The following OS9 variants were observed in gnomAD, a reference collection of about 807,000 sequenced individuals.
OS9 encodes the protein OS9 endoplasmic reticulum lectin.
In OS9, 58 loss-of-function variants were observed where a neutral mutation model predicts 84.7. The ratio of observed to expected loss-of-function variants is 0.68; its 90% CI spans 0.55 to 0.85. The LOEUF is 0.85. Ranked by LOEUF, OS9 falls within the 40% of genes least tolerant of loss-of-function variation. The pLI is 0.00. For missense variants in OS9, 760 were observed against 850.9 expected (o/e 0.89, Z 1.33); for synonymous variants, 278 against 320.8 (o/e 0.87, Z 1.43).
chr12:57,708,270 T>G (rs1314136181), intron 5 of OS9, among the ~76,000 whole-genome samples: 5 of 102,404 alleles, frequency 4.9e-5, no homozygotes, highest in African/African-American at 1.5e-4. Flanking sequence ...CTTTATATAC[T>G]CTGAGATTTT....
intron 5 of OS9, among the ~76,000 whole-genome samples, chr12:57,699,904 T>G (rs1953969032): frequency 6.6e-6 from 1 of 152,212 alleles, no homozygotes; most frequent in Non-Finnish European, 1.5e-5. Context: ...AAGAACAGCC[T>G]GGCCAATATG....
chr12:57,715,848 G>A lies in OS9; in HGVS notation c.668G>A (p.Arg223His), dbSNP rs991502413. Reference protein sequence around the residue: ...PLSCSYVLTIRTPRLCPHPLL... With the variant: ...PLSCSYVLTIHTPRLCPHPLL... Reference sequence around the variant, plus strand: ...TCCTGCTCTTATGTGCTGACCATTCGCACTCCTCGGCTCTGCCCCCACCCT... The same window carrying A: ...TCCTGCTCTTATGTGCTGACCATTCACACTCCTCGGCTCTGCCCCCACCCT... Residue 223 changes from arginine (R) to histidine (H), a missense_variant, in exon 6 of 15, where the codon CGC (arginine) becomes CAC (histidine). Physicochemically the swap from Arg to His is conservative, Grantham distance 29. Transcript: ENST00000315970. 12 of 1,613,792 alleles carry A rather than the reference G, an allele frequency of 7.4e-6. No individual in the cohort carries two copies. The highest frequency in any genetic ancestry group is 1.7e-5 in the Admixed American group (1 of 59,966).
intron 9 of OS9, 54 bp downstream of exon 9, chr12:57,716,798 G>T (rs1337841428): frequency 8.5e-6 from 13 of 1,528,790 alleles, no homozygotes; most frequent in Non-Finnish European, 1.2e-5. Context: ...ATTGGCAGGG[G>T]TAGGGATGGA....
intron 7 of OS9, 53 bp downstream of exon 7, chr12:57,716,246 C>T (rs1595062268): frequency 1.6e-6 from 2 of 1,217,072 alleles, no homozygotes; most frequent in East Asian, 4.8e-5. Flanking sequence ...TCTTCCCTTC[C>T]CCTGATCTTA....
At chr12:57,718,086 C>T in intron 10 of OS9, 60 bp from the exon 11 acceptor site, 3 of 1,573,776 alleles carry the variant, frequency 1.9e-6, no homozygotes, top group Admixed American at 1.7e-5. Context: ...TTGTCTGCCC[C>T]CGACCATGTG....
chr12:57,696,493 C>G, intron 5 of OS9, 120 bp downstream of exon 5: 1 of 583,008 alleles, frequency 1.7e-6, no homozygotes, highest in Non-Finnish European at 3.0e-6. Flanking sequence ...ACCCTAAATC[C>G]AAAGTTTAAA....
rs777893192 is a variant in OS9 at position 57,716,508 on chromosome 12, C to T, written c.989C>T (p.Ala330Val). ...DQAPGGEEVP[A>V]EEQDPSPEAA... ...GCCCCAGGAGGGGAGGAGGTGCCGG[C>T]TGAGGTGAGACCAGCTGCCTCAGAG... The change falls in exon 8 of 15, where the codon GCT (alanine) becomes GTT (valine). Residue 330 changes from alanine (A) to valine (V), a missense_variant. Ala to Val is a moderately conservative substitution (Grantham distance 64). Transcript: ENST00000315970. The T allele has an allele frequency of 5.1e-6, 8 of 1,571,832 alleles. No individual in the cohort carries two copies. The South Asian group carries it at 8.1e-5, about 16-fold the overall frequency.
chr12:57,694,137 C>A lies in OS9; in HGVS notation c.-25C>A. The A allele has an allele frequency of 1.2e-6, 2 of 1,613,738 alleles. No individual in the cohort carries two copies. Among genetic ancestry groups the A allele is most frequent in the Non-Finnish European group, 1.7e-6 (2 of 1,179,676 alleles). ...GCCTGGCTTAGGGCGGAAACAGATTCTCTGCATAAGAAGGGGAACGAAAGA... is the reference window on the plus strand; with the variant it reads ...GCCTGGCTTAGGGCGGAAACAGATTATCTGCATAAGAAGGGGAACGAAAGA... On this transcript the variant is annotated 5_prime_UTR_variant, in exon 1 of 15. Coordinates refer to ENST00000315970, the MANE Select transcript of OS9 (RefSeq NM_006812.4).
rs749101342 is a variant in OS9 at position 57,715,881 on chromosome 12, G to A, written c.701G>A (p.Arg234Gln). 19 of 1,612,712 alleles carry A rather than the reference G, an allele frequency of 1.2e-5. 1 individual carries two copies. The highest frequency in any genetic ancestry group is 4.4e-5 in the South Asian group (4 of 90,908). ...TPRLCPHPLL[R>Q]PPPSAAPQAI... ...CGGCTCTGCCCCCACCCTCTCCTCCGGCCCCCACCCAGTGCTGCACCGCAG... is the reference window on the plus strand; with the variant it reads ...CGGCTCTGCCCCCACCCTCTCCTCCAGCCCCCACCCAGTGCTGCACCGCAG... The change falls in exon 6 of 15, where the codon CGG (arginine) becomes CAG (glutamine). Residue 234 changes from arginine (R) to glutamine (Q), a missense_variant. Transcript: ENST00000315970.
chr12:57,718,155 AAT>A lies in OS9; in HGVS notation c.1148_1149del (p.Ile383ArgfsTer8). 1.2e-6 allele frequency: 2 copies of A among 1,613,756 alleles called. No homozygotes were observed. The highest frequency in any genetic ancestry group is 1.7e-6 in the Non-Finnish European group (2 of 1,179,746). ...LKGGTKKGKP[N>X]IGQEQPVDDA... is the part of the protein sequence containing the mutation. The stretch of plus-strand genomic sequence containing the variant: ...CTCCCTACCCACCCAGGGGAAGCCA[AAT>A]ATAGGCCAAGAGCAGCCTGTGGATG... On this transcript the variant is annotated frameshift_variant, in exon 11 of 15. Coordinates refer to ENST00000315970, the MANE Select transcript of OS9 (RefSeq NM_006812.4). LOFTEE classifies it high-confidence loss of function.
chr12:57,695,334 C>T (rs1280003798), intron 2 of OS9, among the ~76,000 whole-genome samples: 2 of 152,154 alleles, frequency 1.3e-5, no homozygotes, highest in Non-Finnish European at 2.9e-5. Context: ...TGATTCCCCG[C>T]ATTAGAGTGT....
At chr12:57,709,909 G>T (rs1423242460) in intron 5 of OS9, among the ~76,000 whole-genome samples, 4 of 151,692 alleles carry the variant, frequency 2.6e-5, no homozygotes, top group African/African-American at 9.7e-5. Flanking sequence ...CTGGAGTGCA[G>T]TGGCATGATC....
chr12:57,711,181 C>T (rs957073412), intron 5 of OS9, among the ~76,000 whole-genome samples: 38 of 151,896 alleles, frequency 2.5e-4, no homozygotes, highest in African/African-American at 9.2e-4. Flanking sequence ...ATCCTTCCAG[C>T]CTTTTTGTGT....
chr12:57,716,453 T>C lies in OS9; in HGVS notation c.934T>C (p.Trp312Arg). 6.4e-7 allele frequency: 1 copy of C among 1,569,478 alleles called. No individual in the cohort carries two copies. The highest frequency in any genetic ancestry group is 8.6e-7 in the Non-Finnish European group (1 of 1,156,362). The change falls in exon 8 of 15, where the codon TGG becomes CGG. Residue 312 changes from tryptophan (W) to arginine (R), a missense_variant. By Grantham distance (101) the Trp-to-Arg change is moderately radical (BLOSUM62 -3). Coordinates refer to ENST00000315970, the MANE Select transcript of OS9 (RefSeq NM_006812.4). ...TKDDSKDSDF[W>R]KMLNEPEDQA... The stretch of plus-strand genomic sequence containing the variant: ...GGATGACAGTAAGGACTCAGATTTC[T>C]GGAAGATGCTTAATGAGCCAGAGGA...
At chr12:57,704,272 C>G (rs1954105088) in intron 5 of OS9, among the ~76,000 whole-genome samples, 1 of 152,144 alleles carries the variant, frequency 6.6e-6, no homozygotes, top group African/African-American at 2.4e-5. Context: ...AGTGGTGGCT[C>G]ACACCTGTAA....
intron 5 of OS9, among the ~76,000 whole-genome samples, chr12:57,705,987 T>C (rs1487328282): frequency 6.6e-6 from 1 of 152,174 alleles, no homozygotes; most frequent in Non-Finnish European, 1.5e-5. Context: ...AGAGAAACAG[T>C]TTTGGTTTCT....
At chr12:57,696,567 G>A (rs1173174419) in intron 5 of OS9, among the ~76,000 whole-genome samples, 194 bp downstream of exon 5, 2 of 151,574 alleles carry the variant, frequency 1.3e-5, no homozygotes, top group Non-Finnish European at 2.9e-5. Flanking sequence ...AGGCCGAGGC[G>A]GGCAGATCAC....
intron 5 of OS9, among the ~76,000 whole-genome samples, chr12:57,703,030 T>C (rs1954068531): frequency 6.6e-6 from 1 of 152,126 alleles, no homozygotes; most frequent in South Asian, 2.1e-4. Context: ...TCTCCCATCC[T>C]GTGGTTGCCT....
intron 5 of OS9, among the ~76,000 whole-genome samples, chr12:57,715,024 A>G (rs1954442287): frequency 6.6e-6 from 1 of 152,200 alleles, no homozygotes; most frequent in Non-Finnish European, 1.5e-5. Flanking sequence ...TACCATATGC[A>G]CATATATAAA....
Sources: allele counts gnomAD v4.1 joint callset (sites outside exome capture counted in the v4.1 genomes callset), GRCh38; gene constraint gnomAD v4.1.1; transcripts MANE v1.5; gene names NCBI Gene and HGNC (gene_info 2026-07-23, HGNC 2026-07-21).